The following IQCM variants were observed in gnomAD, a reference collection of about 807,000 sequenced individuals.
IQCM encodes IQ domain-containing protein M.
In IQCM, 45 loss-of-function variants were observed where a neutral mutation model predicts 57.6. The ratio of observed to expected loss-of-function variants is 0.78; its 90% CI spans 0.62 to 1.00. The LOEUF (loss-of-function observed/expected upper bound fraction) is 1.00. IQCM is among the 50% of genes least tolerant of loss of function. The pLI, the probability that IQCM is intolerant of heterozygous loss-of-function variation, is 0.00. For synonymous variants in IQCM, 148 were observed against 158.9 expected, an observed-to-expected ratio of 0.93 and a Z score of 0.51; for missense variants, 468 against 511.6, an observed-to-expected ratio of 0.91 and a Z score of 0.82.
intron 12 of IQCM, among the ~76,000 whole-genome samples, chr4:149,482,156 T>G (rs1326892879): frequency 6.6e-6 from 1 of 152,016 alleles, no homozygotes; most frequent in Admixed American, 6.6e-5. Flanking sequence ...GAAATTTGTT[T>G]TTCAGTTGTA....
chr4:149,590,240 T>C (rs1016937190), intron 8 of IQCM, among the ~76,000 whole-genome samples: 2 of 148,120 alleles, frequency 1.4e-5, no homozygotes, highest in South Asian at 2.1e-4. Context: ...TTTTTTCTTT[T>C]TCTTTCCTTT....
In IQCM at chr4:149,621,132, A is replaced by T; in HGVS notation, c.678T>A (p.Tyr226Ter). The change falls in exon 8 of 14, where the codon TAT (tyrosine) becomes TAA (stop). Residue 226 changes from tyrosine (Y) to a stop codon, truncating the protein, a stop_gained. Transcript: ENST00000636793. LOFTEE classifies it high-confidence loss of function. The part of the protein sequence containing the change: ...SQSSSIFRDY[Y>*]SKTFKTLIKK... ...ATCCAGTTTTATAAATACTTACAGAATAATAATCCCGAAATATTGATGATG... is the reference window on the plus strand; with the variant it reads ...ATCCAGTTTTATAAATACTTACAGATTAATAATCCCGAAATATTGATGATG... 8.3e-7 allele frequency: 1 copy of T among 1,211,898 alleles called. No homozygotes were observed. The highest frequency in any genetic ancestry group is 3.2e-5 in the East Asian group (1 of 31,614). 75.1% of individuals were successfully genotyped at this position (1,211,898 alleles called of 1,614,324 possible).
intron 5 of IQCM, 48 bp downstream of exon 5, chr4:149,733,196 G>T: frequency 1.6e-6 from 2 of 1,221,932 alleles, no homozygotes; most frequent in Non-Finnish European, 2.0e-6. Flanking sequence ...GAAACAAATA[G>T]TTTTGTCCGT....
intron 9 of IQCM, among the ~76,000 whole-genome samples, chr4:149,587,424 A>G (rs551916484): frequency 6.6e-6 from 1 of 151,886 alleles, no homozygotes; most frequent in East Asian, 1.9e-4. Flanking sequence ...TGCTTCTTTC[A>G]ATCTCACGCT....
At chr4:149,743,559 GA>G (rs1267427206) in intron 2 of IQCM, among the ~76,000 whole-genome samples, 3 of 152,296 alleles carry the variant, frequency 2.0e-5, no homozygotes, top group Non-Finnish European at 4.4e-5. Context: ...AATGCTGGAT[GA>G]ATATCAGAAT....
At chr4:149,507,373 G>A (rs1743933919) in intron 12 of IQCM, among the ~76,000 whole-genome samples, 1 of 152,226 alleles carries the variant, frequency 6.6e-6, no homozygotes. Flanking sequence ...ATGTAAGAAA[G>A]TTTGGAACTT....
intron 12 of IQCM, among the ~76,000 whole-genome samples, chr4:149,532,435 A>G (rs914770310): frequency 5.3e-5 from 8 of 151,806 alleles, no homozygotes; most frequent in Non-Finnish European, 1.0e-4. Context: ...ATACTACAGG[A>G]TCTCCACAAG....
At chr4:149,451,661 G>T (rs1737135749) in intron 12 of IQCM, among the ~76,000 whole-genome samples, 1 of 151,716 alleles carries the variant, frequency 6.6e-6, no homozygotes, top group Non-Finnish European at 1.5e-5. Flanking sequence ...TATCTGAATA[G>T]ATGCAGAAAA....
intron 7 of IQCM, among the ~76,000 whole-genome samples, chr4:149,635,614 T>C (rs1018306656): frequency 1.3e-5 from 2 of 152,212 alleles, no homozygotes; most frequent in African/African-American, 4.8e-5. Flanking sequence ...TAGCTTATCA[T>C]TAACTTATCT....
At chr4:149,661,555 A>AT (rs1265540428) in intron 7 of IQCM, among the ~76,000 whole-genome samples, 1 of 152,088 alleles carries the variant, frequency 6.6e-6, no homozygotes, top group Non-Finnish European at 1.5e-5. Flanking sequence ...TATTTTGCAG[A>AT]TTTCAGCAGT....
chr4:149,721,912 A>G (rs1486852249), intron 5 of IQCM, among the ~76,000 whole-genome samples: 1 of 152,140 alleles, frequency 6.6e-6, no homozygotes, highest in Non-Finnish European at 1.5e-5. Context: ...TTCCACCAGC[A>G]GCACATAAGC....
At chr4:149,488,856 A>T (rs566733869) in intron 12 of IQCM, among the ~76,000 whole-genome samples, 1 of 152,316 alleles carries the variant, frequency 6.6e-6, no homozygotes, top group South Asian at 2.1e-4. Flanking sequence ...TCAGCTGATA[A>T]ATGTGATTAT....
chr4:149,431,266 C>A (rs1734833605), intron 13 of IQCM, among the ~76,000 whole-genome samples: 2 of 151,650 alleles, frequency 1.3e-5, no homozygotes, highest in South Asian at 4.2e-4. Flanking sequence ...GTGTATTTAC[C>A]ATTTTATATT....
chr4:149,717,477 C>T (rs912006763), intron 5 of IQCM, among the ~76,000 whole-genome samples: 2 of 152,146 alleles, frequency 1.3e-5, no homozygotes, highest in East Asian at 1.9e-4. Flanking sequence ...CTGAGAAATC[C>T]GTTTCAAAAT....
At chr4:149,798,196 G>C (rs1054000176) in intron 2 of IQCM, among the ~76,000 whole-genome samples, 13 of 151,944 alleles carry the variant, frequency 8.6e-5, no homozygotes, top group Admixed American at 3.3e-4. Context: ...AAAAAGTAGG[G>C]GGACAAAGTT....
At chr4:149,693,966 C>T (rs1362432571) in intron 5 of IQCM, among the ~76,000 whole-genome samples, 3 of 152,146 alleles carry the variant, frequency 2.0e-5, no homozygotes, top group Non-Finnish European at 2.9e-5. Flanking sequence ...ATTTGCAGCA[C>T]TCATTGTTTG....
chr4:149,458,227 G>A (rs1010230773), intron 12 of IQCM, among the ~76,000 whole-genome samples: 2 of 151,966 alleles, frequency 1.3e-5, no homozygotes, highest in East Asian at 3.9e-4. Flanking sequence ...AGCCACCTGA[G>A]AAATAATGTG....
Position 149,621,221 on chromosome 4 carries a change from C to T in IQCM, c.589G>A (p.Gly197Arg). 8.1e-7 allele frequency: 1 copy of T among 1,231,482 alleles called. No homozygotes were observed. Among genetic ancestry groups the T allele is most frequent in the Non-Finnish European group, 1.0e-6 (1 of 987,358 alleles). 76.3% of individuals were successfully genotyped at this position (1,231,482 alleles called of 1,614,324 possible). A position where few individuals can be genotyped will look rare whatever the true frequency, so the allele number is the denominator to read the frequency against. Reference protein sequence around the residue: ...EPDKAFYDWRGFVLTRSFRLA... With the variant: ...EPDKAFYDWRRFVLTRSFRLA... Reference sequence around the variant, plus strand: ...CGGAAAGACCTTGTCAGCACAAATCCTCTCCAGTCATAGAATGCTTTGTCT... The same window carrying T: ...CGGAAAGACCTTGTCAGCACAAATCTTCTCCAGTCATAGAATGCTTTGTCT... The change falls in exon 8 of 14, where the codon GGA becomes AGA. Residue 197 changes from glycine to arginine, a missense_variant. By Grantham distance (125) the Gly-to-Arg change is moderately radical. Coordinates refer to ENST00000636793, the MANE Select transcript of IQCM (RefSeq NM_001363507.2).
intron 2 of IQCM, among the ~76,000 whole-genome samples, chr4:149,813,033 G>A (rs934450157): frequency 1.3e-5 from 2 of 152,092 alleles, no homozygotes; most frequent in African/African-American, 4.8e-5. Context: ...CTTTTTCATT[G>A]CATTAAAATA....
Sources: allele counts gnomAD v4.1 joint callset (sites outside exome capture counted in the v4.1 genomes callset), GRCh38; gene constraint gnomAD v4.1.1; transcripts MANE v1.5; gene names NCBI Gene and HGNC (gene_info 2026-07-23, HGNC 2026-07-21).